Variants in ZNF407 observed in about 807,000 individuals in gnomAD.
ZNF407 encodes zinc finger protein 407.
ZNF407 carries 17 observed loss-of-function variants against 131.2 expected under a neutral mutation model. That is an observed-to-expected ratio of 0.13 (90% CI 0.09 to 0.19). The LOEUF is 0.19. Among genes scored for constraint, ZNF407 ranks in the 10% least tolerant of loss-of-function variants. ZNF407 has a pLI of 1.00. For synonymous variants in ZNF407, 1,156 were observed against 1,062.0 expected (o/e 1.09, Z -1.72); for missense variants, 2,681 against 2,830.6 (o/e 0.95, Z 1.20).
chr18:74,647,541 G>C (rs1268018010), intron 3 of ZNF407, among the ~76,000 whole-genome samples: 2 of 152,010 alleles, frequency 1.3e-5, no homozygotes, highest in African/African-American at 4.8e-5. Flanking sequence ...GATTTCCTTT[G>C]CCTGTTCCGT....
At chr18:75,010,714 T>G (rs1972964488) in intron 8 of ZNF407, among the ~76,000 whole-genome samples, 1 of 152,146 alleles carries the variant, frequency 6.6e-6, no homozygotes, top group Admixed American at 6.6e-5. Context: ...GTTGTCTTGT[T>G]TTACTTGAGA....
intron 4 of ZNF407, among the ~76,000 whole-genome samples, chr18:74,831,318 A>G (rs903248525): frequency 3.9e-5 from 6 of 152,212 alleles, no homozygotes; most frequent in Non-Finnish European, 8.8e-5. Flanking sequence ...AACATTAAGT[A>G]CACTGACATT....
intron 8 of ZNF407, chr18:75,060,139 G>T (rs1026142235): frequency 6.6e-6 from 1 of 152,292 alleles, no homozygotes; most frequent in Admixed American, 6.5e-5. Context: ...GGAAGTGCCT[G>T]CTACCCGAAG....
Position 74,989,121 on chromosome 18 carries a change from A to T in ZNF407, c.5428+68429A>T, listed in dbSNP as rs193011363. On this transcript the variant is annotated intron_variant, in intron 8 of 8. Coordinates refer to ENST00000299687, the MANE Select transcript of ZNF407 (RefSeq NM_017757.3). ...AAATAAACAAGTTATGGTCAATGGA[A>T]TACTATTTAGTAAGAAAAAGGCCTG... is the stretch of plus-strand genomic sequence containing the variant. Among the ~76,000 whole-genome samples, 587 of 152,348 alleles carry T rather than the reference A, an allele frequency of 3.9e-3. 8 individuals are homozygous for T. The highest frequency in any genetic ancestry group is 0.034 in the Admixed American group (515 of 15,306).
At chr18:74,706,090 G>A (rs1360123604) in intron 3 of ZNF407, among the ~76,000 whole-genome samples, 1 of 152,168 alleles carries the variant, frequency 6.6e-6, no homozygotes, top group Non-Finnish European at 1.5e-5. Context: ...ACTGTGGTTA[G>A]TCATTGTCAT....
At chr18:74,877,881 C>G (rs1365140373) in intron 5 of ZNF407, among the ~76,000 whole-genome samples, 1 of 152,166 alleles carries the variant, frequency 6.6e-6, no homozygotes, top group Non-Finnish European at 1.5e-5. Flanking sequence ...ATAATTGATA[C>G]AAATACTTGG....
rs184032132 is a variant in ZNF407 at position 74,881,916 on chromosome 18, G to A, written c.5128+797G>A. On this transcript the variant is annotated intron_variant, in intron 6 of 8. Coordinates refer to ENST00000299687, the MANE Select transcript of ZNF407 (RefSeq NM_017757.3). ...CTCAGGAAGACCTCACAATCATGGC[G>A]GAAGGTGAAAGGCACATCTTACATG... Among the ~76,000 whole-genome samples the A allele has an allele frequency of 2.2e-3, 337 of 152,276 alleles. 5 individuals carry two copies. The highest frequency in any genetic ancestry group is 6.6e-3 in the African/African-American group (274 of 41,564).
chr18:74,779,105 ATATATTTTTTTT>A (rs1354499974), intron 3 of ZNF407, among the ~76,000 whole-genome samples: 5 of 24,868 alleles, frequency 2.0e-4, no homozygotes, highest in African/African-American at 4.3e-4. Flanking sequence ...ATATATATAT[ATATATTTTTTTT>A]TTTTTTTTTT....
At chr18:74,739,763 T>A (rs1599113418) in intron 3 of ZNF407, among the ~76,000 whole-genome samples, 1 of 152,210 alleles carries the variant, frequency 6.6e-6, no homozygotes, top group East Asian at 1.9e-4. Context: ...ATTTAAAAAG[T>A]AAAAATGAGA....
chr18:74,773,978 G>A (rs1969414684), intron 3 of ZNF407, among the ~76,000 whole-genome samples: 2 of 152,156 alleles, frequency 1.3e-5, no homozygotes, highest in African/African-American at 4.8e-5. Context: ...GTGACTGTTG[G>A]GCCTGGAAGG....
intron 8 of ZNF407, among the ~76,000 whole-genome samples, chr18:75,049,098 T>G (rs1157797864): frequency 1.2e-3 from 46 of 39,666 alleles, no homozygotes; most frequent in African/African-American, 2.2e-3. Context: ...TTTTTTTTTT[T>G]GGGTGGGGGG....
chr18:74,783,102 CTA>C (rs1188321171), intron 4 of ZNF407, among the ~76,000 whole-genome samples: 3 of 152,088 alleles, frequency 2.0e-5, no homozygotes, highest in Non-Finnish European at 2.9e-5. Context: ...TTTGTAATTG[CTA>C]TGTTTTCATT....
At chr18:74,799,666 G>T (rs1969983691) in intron 4 of ZNF407, among the ~76,000 whole-genome samples, 1 of 151,992 alleles carries the variant, frequency 6.6e-6, no homozygotes, top group Non-Finnish European at 1.5e-5. Context: ...AGAGACAGTG[G>T]TAGTGCTTTT....
Position 74,633,408 on chromosome 18 carries a change from A to C in ZNF407, c.2389A>C (p.Ile797Leu), listed in dbSNP as rs1240491377. Residue 797 changes from isoleucine (I) to leucine (L), a missense_variant, in exon 2 of 9, where the codon ATT becomes CTT. Transcript: ENST00000299687. ...GTTTGATGTTTCCGGAAATGGAAGG[A>C]TTGAAGGCCATATAGGTGTGCAATT... The part of the protein sequence containing the change: ...EEFDVSGNGR[I>L]EGHIGVQLQE... 3.1e-6 allele frequency: 5 copies of C among 1,614,018 alleles called. No homozygotes were observed. Among genetic ancestry groups the C allele is most frequent in the Non-Finnish European group, 4.2e-6 (5 of 1,179,904 alleles).
intron 8 of ZNF407, among the ~76,000 whole-genome samples, chr18:75,061,026 A>C (rs772801980): frequency 3.3e-5 from 5 of 152,202 alleles, no homozygotes; most frequent in Non-Finnish European, 7.3e-5. Flanking sequence ...ACTGGAAGAC[A>C]GGCCCTGTCT....
At chr18:74,612,666 G>A (rs546603599) in intron 1 of ZNF407, among the ~76,000 whole-genome samples, 3 of 152,292 alleles carry the variant, frequency 2.0e-5, no homozygotes, top group South Asian at 2.1e-4. Flanking sequence ...ATATGAACAC[G>A]TGACATACCG....
At chr18:74,872,826 AT>A (rs753165317) in intron 4 of ZNF407, among the ~76,000 whole-genome samples, 41 of 151,884 alleles carry the variant, frequency 2.7e-4, no homozygotes, top group Non-Finnish European at 5.9e-4. Flanking sequence ...AAATAAAATA[AT>A]AAACCACTTT....
intron 8 of ZNF407, among the ~76,000 whole-genome samples, chr18:74,984,334 A>G (rs992483149): frequency 6.6e-6 from 1 of 152,226 alleles, no homozygotes; most frequent in Non-Finnish European, 1.5e-5. Flanking sequence ...CATCTTTTTT[A>G]AAAGTACCTG....
At chr18:74,699,992 A>G (rs1461595535) in intron 3 of ZNF407, among the ~76,000 whole-genome samples, 1 of 152,166 alleles carries the variant, frequency 6.6e-6, no homozygotes, top group Non-Finnish European at 1.5e-5. Flanking sequence ...GACATTTACA[A>G]TAAGATTAGT....
Sources: gnomAD v4.1 joint callset for allele counts (sites outside exome capture counted in the v4.1 genomes callset) on GRCh38, gnomAD v4.1.1 for gene constraint, MANE v1.5 for transcripts, NCBI Gene and HGNC (gene_info 2026-07-23, HGNC 2026-07-21) for gene names.